KRT20: variants seen among roughly 807,000 people sequenced by gnomAD.
The protein encoded by KRT20 is keratin 20.
KRT20 carries 41 observed loss-of-function variants against 43.0 expected under a neutral mutation model. That is an observed-to-expected ratio of 0.95 (90% CI 0.74 to 1.24). The LOEUF (loss-of-function observed/expected upper bound fraction) is 1.24, where lower values mean the gene tolerates loss of function less well. Among genes scored for constraint, KRT20 ranks in the 50% most tolerant of loss-of-function variants. The pLI is 0.00. For missense variants in KRT20, 533 were observed against 521.2 expected (o/e 1.02, Z -0.22); for synonymous variants, 207 against 200.6 (o/e 1.03, Z -0.27).
chr17:40,881,781 A>C (rs1419793266), intron 2 of KRT20, among the ~76,000 whole-genome samples: 1 of 152,192 alleles, frequency 6.6e-6, no homozygotes, highest in Non-Finnish European at 1.5e-5. Flanking sequence ...CTTAGTGTGG[A>C]AGCTGTTTGC....
chr17:40,884,937 G>T lies in KRT20; in HGVS notation c.249C>A (p.Ser83Arg). 1 of 1,614,232 alleles carries T rather than the reference G, an allele frequency of 6.2e-7. No individual in the cohort carries two copies. The highest frequency in any genetic ancestry group is 8.5e-7 in the Non-Finnish European group (1 of 1,180,040). ...CCAGGGTCCGCACCTTTTCTAGGTA[G>T]CTCGCTAGACGGTCATTTAGGTTCT... ...AMQNLNDRLA[S>R]YLEKVRTLEQ... The change falls in exon 1 of 8, where the codon AGC becomes AGA. Residue 83 changes from serine to arginine, a missense_variant. Transcript: ENST00000167588.
rs1305086904 is a variant in KRT20, at chr17:40,878,272, G to A, written c.1012C>T (p.Gln338Ter). Residue 338 changes from glutamine to a stop codon, truncating the protein, a stop_gained, in exon 6 of 8, where the codon CAA (glutamine) becomes TAA (stop). Coordinates refer to ENST00000167588, the MANE Select transcript of KRT20 (RefSeq NM_019010.3). LOFTEE classifies it high-confidence loss of function. Reference sequence around the variant, plus strand: ...ATGTTACTCCGAATCTGCATCAGTTGGGCCTCCAGAGAGCTCAACAGCGAC... The same window carrying A: ...ATGTTACTCCGAATCTGCATCAGTTAGGCCTCCAGAGAGCTCAACAGCGAC... ...LQSLLSSLEAQLMQIRSNMER... is the reference protein window; with the variant it reads ...LQSLLSSLEA 1 of 1,614,102 alleles carries A rather than the reference G, an allele frequency of 6.2e-7. No homozygotes were observed. The highest frequency in any genetic ancestry group is 8.5e-7 in the Non-Finnish European group (1 of 1,179,988).
chr17:40,877,246 T>C (rs930863838), intron 7 of KRT20, 134 bp downstream of exon 7: 13 of 656,764 alleles, frequency 2.0e-5, no homozygotes, highest in Middle Eastern at 2.6e-4. Flanking sequence ...GTTTGTAAAT[T>C]ATCCAGTCTC....
rs552719863 is a variant in KRT20, at chr17:40,883,776, C to T, written c.390+1020G>A. ...TCAGAAACACGAGACAGGTGTGGTT[C>T]GAACATTTTTAGTGAGAGCTTGCGA... On this transcript the variant is annotated intron_variant, in intron 1 of 7. Transcript: ENST00000167588. 3.3e-5 allele frequency among the ~76,000 whole-genome samples: 5 copies of T among 152,288 alleles called. No individual in the cohort carries two copies. In the South Asian group the frequency reaches 6.2e-4, roughly 19 times the overall value.
Position 40,884,817 on chromosome 17 carries a change from TTGTC to T in KRT20, c.365_368del (p.Arg122LysfsTer35). 1 of 1,612,962 alleles carries T rather than the reference TTGTC, an allele frequency of 6.2e-7. No individual in the cohort carries two copies. Among genetic ancestry groups the T allele is most frequent in the Middle Eastern group, 1.7e-4 (1 of 6,058 alleles). On this transcript the variant is annotated frameshift_variant, in exon 1 of 8. Transcript: ENST00000167588. Reference sequence around the variant, plus strand: ...TCACCTGACTTCGCAGCTCTTCAATTTGTCTGTAATATGCACTGTAGTCGCGACC... The same window carrying T: ...TCACCTGACTTCGCAGCTCTTCAATTTGTAATATGCACTGTAGTCGCGACC...
At chr17:40,879,767 G>C in intron 5 of KRT20, 46 bp downstream of exon 5, 1 of 1,603,502 alleles carries the variant, frequency 6.2e-7, no homozygotes, top group Non-Finnish European at 8.5e-7. Flanking sequence ...AGAGGACCTT[G>C]GTAAACACAT....
rs778164608 is a variant in KRT20 at position 40,878,279 on chromosome 17, C to T, written c.1005G>A (p.Leu335=). 6.2e-7 allele frequency: 1 copy of T among 1,614,148 alleles called. No individual in the cohort carries two copies. The highest frequency in any genetic ancestry group is 8.5e-7 in the Non-Finnish European group (1 of 1,180,034). ...LANLQSLLSS[L]EAQLMQIRSN... is the part of the protein sequence containing the mutation. Reference sequence around the variant, plus strand: ...TCCGAATCTGCATCAGTTGGGCCTCCAGAGAGCTCAACAGCGACTGGAGGT... The same window carrying T: ...TCCGAATCTGCATCAGTTGGGCCTCTAGAGAGCTCAACAGCGACTGGAGGT... Residue 335 remains leucine, a synonymous_variant, in exon 6 of 8, where the codon CTG becomes CTA. Transcript: ENST00000167588.
intron 6 of KRT20, among the ~76,000 whole-genome samples, 168 bp downstream of exon 6, chr17:40,877,977 T>G (rs569219493): frequency 2.4e-4 from 37 of 152,120 alleles, no homozygotes; most frequent in Non-Finnish European, 5.9e-5. Flanking sequence ...TTTGGGCGTG[T>G]GTGTATTTTT....
chr17:40,880,855 A>T, intron 2 of KRT20, 85 bp from the exon 3 acceptor site: 1 of 1,078,668 alleles, frequency 9.3e-7, no homozygotes, highest in Non-Finnish European at 1.3e-6. Flanking sequence ...ATAGGTTTTT[A>T]AATGTGGCTT....
chr17:40,879,386 T>C (rs8074954), intron 5 of KRT20, among the ~76,000 whole-genome samples: 25,546 of 152,074 alleles, frequency 0.17, 2,501 homozygotes, highest in African/African-American at 0.26. Context: ...ATAGCAGACA[T>C]GGGGGCCTAA....
intron 2 of KRT20, 105 bp downstream of exon 2, chr17:40,882,465 TTG>T (rs1907638561): frequency 2.2e-6 from 1 of 451,642 alleles, no homozygotes; most frequent in African/African-American, 2.1e-5. Context: ...ATTCTGGACA[TTG>T]AACCGTGCTT....
At position 40,877,362 on chromosome 17, in the gene KRT20, C is replaced by A; in HGVS notation, c.1177+18G>T. 6.6e-7 allele frequency: 1 copy of A among 1,525,768 alleles called. No individual in the cohort carries two copies. The highest frequency in any genetic ancestry group is 1.3e-5 in the South Asian group (1 of 76,264). 94.5% of individuals were successfully genotyped at this position (1,525,768 alleles called of 1,614,324 possible). A position where few individuals can be genotyped will look rare whatever the true frequency, so the allele number is the denominator to read the frequency against. ...GCAGCTGAATGTCATAGAAAATGTG[C>A]AAAAATTTAGAACTTACCTCTCTCT... On this transcript the variant is annotated intron_variant, in intron 7 of 7. Transcript: ENST00000167588.
Position 40,876,414 on chromosome 17 carries a change from C to T in KRT20, c.1222G>A (p.Val408Met). Residue 408 changes from valine to methionine, a missense_variant, in exon 8 of 8, where the codon GTG becomes ATG. Transcript: ENST00000167588. ...TCAGATGACACGACCTTGCCATCCA[C>T]TACTTCTTGCACGACTGTCTTAATC... Reference protein sequence around the residue: ...RKIKTVVQEVVDGKVVSSEVK... With the variant: ...RKIKTVVQEVMDGKVVSSEVK... 1 of 1,613,422 alleles carries T rather than the reference C, an allele frequency of 6.2e-7. No homozygotes were observed. The highest frequency in any genetic ancestry group is 8.5e-7 in the Non-Finnish European group (1 of 1,179,416).
Position 40,877,386 on chromosome 17 carries a change from C to T in KRT20, c.1171G>A (p.Glu391Lys), listed in dbSNP as rs1907395532. The T allele has an allele frequency of 6.5e-7, 1 of 1,528,784 alleles. No individual in the cohort carries two copies. The highest frequency in any genetic ancestry group is 8.7e-7 in the Non-Finnish European group (1 of 1,147,506). 94.7% of individuals were successfully genotyped at this position (1,528,784 alleles called of 1,614,324 possible). A position where few individuals can be genotyped will look rare whatever the true frequency, so the allele number is the denominator to read the frequency against. ...TTEYQLSTLE[E>K]RDIKKTRKIK... ...GCAAAAATTTAGAACTTACCTCTCTCTTCCAGGGTGCTTAACTGATATTCT... is the reference window on the plus strand; with the variant it reads ...GCAAAAATTTAGAACTTACCTCTCTTTTCCAGGGTGCTTAACTGATATTCT... Residue 391 changes from glutamate (E) to lysine (K), a missense_variant, in exon 7 of 8, where the codon GAG (glutamate) becomes AAG (lysine). Glu to Lys is a moderately conservative substitution (Grantham distance 56). Coordinates refer to ENST00000167588, the MANE Select transcript of KRT20 (RefSeq NM_019010.3).
rs1195294900 is a variant in KRT20 at position 40,877,462 on chromosome 17, A to G, written c.1140-45T>C. 13 of 1,269,736 alleles carry G rather than the reference A, an allele frequency of 1.0e-5. No individual in the cohort carries two copies. The East Asian group carries it at 3.2e-4, about 31-fold the overall frequency. The allele number at this position is 1,269,736 out of a possible 1,614,324, so 78.7% of individuals were successfully genotyped here. On this transcript the variant is annotated intron_variant, in intron 6 of 7. Coordinates refer to ENST00000167588, the MANE Select transcript of KRT20 (RefSeq NM_019010.3). ...AAAGAAGAAAAAAGAAACAGAAAAA[A>G]GCATTATTGCTGTTTTGAAAATGGA...
chr17:40,880,777 A>G lies in KRT20; in HGVS notation c.474-7T>C. 1 of 1,519,726 alleles carries G rather than the reference A, an allele frequency of 6.6e-7. No homozygotes were observed. The highest frequency in any genetic ancestry group is 8.8e-7 in the Non-Finnish European group (1 of 1,135,458). The allele number at this position is 1,519,726 out of a possible 1,614,324, so 94.1% of individuals were successfully genotyped here. A position where few individuals can be genotyped will look rare whatever the true frequency, so the allele number is the denominator to read the frequency against. ...TCCTCTCTCAGTCTCATACCTGTGA[A>G]TTAATTAGTGTACAGAGATAACTGG... On this transcript the variant is annotated splice_region_variant and splice_polypyrimidine_tract_variant and intron_variant, in intron 2 of 7. Coordinates refer to ENST00000167588, the MANE Select transcript of KRT20 (RefSeq NM_019010.3).
At chr17:40,877,754 A>G (rs1907408354) in intron 6 of KRT20, among the ~76,000 whole-genome samples, 1 of 152,190 alleles carries the variant, frequency 6.6e-6, no homozygotes, top group Non-Finnish European at 1.5e-5. Context: ...TGCCACACTT[A>G]TGATTCTCAG....
At chr17:40,878,030 G>A in intron 6 of KRT20, 115 bp downstream of exon 6, 1 of 879,808 alleles carries the variant, frequency 1.1e-6, no homozygotes, top group Non-Finnish European at 1.8e-6. Flanking sequence ...GCATGTGTGA[G>A]TATAATTGCT....
intron 2 of KRT20, 196 bp downstream of exon 2, chr17:40,882,376 G>A (rs1907635482): frequency 3.4e-6 from 1 of 296,720 alleles, no homozygotes; most frequent in Non-Finnish European, 6.5e-6. Context: ...ACATGCCGGG[G>A]GATCAAGAAA....
Sources: allele counts gnomAD v4.1 joint callset (sites outside exome capture counted in the v4.1 genomes callset), GRCh38; gene constraint gnomAD v4.1.1; transcripts MANE v1.5; gene names NCBI Gene and HGNC (gene_info 2026-07-23, HGNC 2026-07-21).